Variants in RFX2 observed in about 807,000 individuals in gnomAD.
RFX2 encodes the protein regulatory factor X2.
A neutral mutation model predicts 87.8 loss-of-function variants in RFX2; 20 were observed. The ratio of observed to expected loss-of-function variants is 0.23; its 90% confidence interval spans 0.16 to 0.33. The LOEUF (loss-of-function observed/expected upper bound fraction) is 0.33. Ranked by LOEUF, RFX2 falls within the 10% of genes least tolerant of loss-of-function variation. The pLI is 1.00. For missense variants in RFX2, 767 were observed against 1,012.3 expected, an observed-to-expected ratio of 0.76 and a Z score of 3.29; for synonymous variants, 397 against 431.3, an observed-to-expected ratio of 0.92 and a Z score of 0.98.
chr19:6,091,745 G>A (rs894029059), intron 1 of RFX2, among the ~76,000 whole-genome samples: 7 of 152,198 alleles, frequency 4.6e-5, no homozygotes, highest in Non-Finnish European at 8.8e-5. Flanking sequence ...CTCGAGTGAT[G>A]GGAGAGAAGT....
intron 1 of RFX2, among the ~76,000 whole-genome samples, chr19:6,106,396 C>T (rs2088217618): frequency 6.6e-6 from 1 of 152,182 alleles, no homozygotes; most frequent in Non-Finnish European, 1.5e-5. Flanking sequence ...TTAAAAAATA[C>T]ATAAGCCCAC....
chr19:6,104,932 G>A (rs1445361198), intron 1 of RFX2, among the ~76,000 whole-genome samples: 1 of 151,890 alleles, frequency 6.6e-6, no homozygotes, highest in Non-Finnish European at 1.5e-5. Flanking sequence ...ATCTTGGCCA[G>A]CATGGTGAAA....
chr19:6,059,961 T>TG (rs143270181), intron 1 of RFX2, among the ~76,000 whole-genome samples: 15,276 of 152,170 alleles, frequency 0.1, 893 homozygotes, highest in African/African-American at 0.15. Context: ...TAAAAAGTGA[T>TG]GGGGGGGAGC....
Position 6,007,749 on chromosome 19 carries a change from C to G in RFX2, c.1188G>C (p.Trp396Cys). 1 of 1,556,516 alleles carries G rather than the reference C, an allele frequency of 6.4e-7. No individual in the cohort carries two copies. The highest frequency in any genetic ancestry group is 8.7e-7 in the Non-Finnish European group (1 of 1,149,108). ...AGGCCTTAGAGTTCCAGAAGGAGAG[C>G]CACAGCTTCTCGATGTAGTGGAACT... ...NLQFHYIEKL[W>C]LSFWNSKASS... The change falls in exon 11 of 18, where the codon TGG becomes TGC. Residue 396 changes from tryptophan (W) to cysteine (C), a missense_variant. By Grantham distance (215) the Trp-to-Cys change is radical. This residue lies in a region of RFX2 where 621 missense variants were observed against 873.0 expected (regional missense o/e 0.71). Coordinates refer to ENST00000303657, the MANE Select transcript of RFX2 (RefSeq NM_000635.4). The surrounding 1 kb of genome is among the most constrained non-coding windows in gnomAD (Gnocchi z 8.2).
intron 1 of RFX2, among the ~76,000 whole-genome samples, chr19:6,053,203 G>C (rs1406217503): frequency 1.3e-5 from 2 of 152,190 alleles, no homozygotes; most frequent in Non-Finnish European, 2.9e-5. Context: ...AGACATGGAA[G>C]AAATTTAAAC....
intron 16 of RFX2, among the ~76,000 whole-genome samples, chr19:5,996,004 C>T (rs2086401151): frequency 6.6e-6 from 1 of 152,260 alleles, no homozygotes; most frequent in Admixed American, 6.5e-5. Context: ...AGCAGGAAAA[C>T]CACTCCTTGG....
chr19:6,062,536 C>T (rs2087450418), intron 1 of RFX2, among the ~76,000 whole-genome samples: 1 of 152,222 alleles, frequency 6.6e-6, no homozygotes, highest in South Asian at 2.1e-4. Context: ...GCCACAGCTT[C>T]CCGACCTACG....
At chr19:6,034,774 C>T (rs563923143) in intron 5 of RFX2, among the ~76,000 whole-genome samples, 4 of 152,280 alleles carry the variant, frequency 2.6e-5, no homozygotes, top group South Asian at 4.1e-4. Flanking sequence ...TGGGCCTCTG[C>T]GAGCCACCTC....
In RFX2 at chr19:6,008,740, C is replaced by T. The variant is rs910567651; in HGVS notation, c.1016-516G>A. ...TCACCCAGGCTGGAGTGCAGTGGCA[C>T]GATCTTGGCTTACTGCAACCTCCTC... On this transcript the variant is annotated intron_variant, in intron 9 of 17. Coordinates refer to ENST00000303657, the MANE Select transcript of RFX2 (RefSeq NM_000635.4). Among the ~76,000 whole-genome samples, 5 of 145,824 alleles carry T rather than the reference C, an allele frequency of 3.4e-5. No individual in the cohort carries two copies. The South Asian group carries it at 1.1e-3, about 31-fold the overall frequency.
At position 6,013,002 on chromosome 19, in the gene RFX2, TG is replaced by T; in HGVS notation, c.882del (p.Met295CysfsTer44). The T allele has an allele frequency of 6.4e-7, 1 of 1,568,884 alleles. No individual in the cohort carries two copies. ...GGCACCCACCTGGGCTTCTGGTGCA[TG>T]GGCTGCTGCCGCATGGCCATGTACT... ...DTQYMAMRQQ[P>X]MHQKPRYRPA... On this transcript the variant is annotated frameshift_variant, in exon 8 of 18. Coordinates refer to ENST00000303657, the MANE Select transcript of RFX2 (RefSeq NM_000635.4). LOFTEE classifies it high-confidence loss of function. The surrounding 1 kb of genome is among the most constrained non-coding windows in gnomAD (Gnocchi z 4.1).
At position 6,083,376 on chromosome 19, in the gene RFX2, A is replaced by G. The variant is rs573949419; in HGVS notation, c.-9+27017T>C. The stretch of plus-strand genomic sequence containing the variant: ...TGACCCTGGTGCTGGTGCTGTTCCA[A>G]TAAATCTTTATTTATGGACACTGAA... On this transcript the variant is annotated intron_variant, in intron 1 of 17. Coordinates refer to ENST00000303657, the MANE Select transcript of RFX2 (RefSeq NM_000635.4). The surrounding 1 kb of genome is among the most constrained non-coding windows in gnomAD (Gnocchi z 4.6). Among the ~76,000 whole-genome samples, 1 of 152,284 alleles carries G rather than the reference A, an allele frequency of 6.6e-6. No individual in the cohort carries two copies. The highest frequency in any genetic ancestry group is 1.9e-4 in the East Asian group (1 of 5,192).
intron 3 of RFX2, among the ~76,000 whole-genome samples, chr19:6,042,737 A>G (rs1032844507): frequency 6.6e-6 from 1 of 152,200 alleles, no homozygotes; most frequent in Non-Finnish European, 1.5e-5. Context: ...GGGGGACCCC[A>G]GCACACCCCC....
intron 1 of RFX2, among the ~76,000 whole-genome samples, chr19:6,060,170 T>G (rs564277195): frequency 1.3e-5 from 2 of 152,122 alleles, no homozygotes; most frequent in South Asian, 2.1e-4. Flanking sequence ...ACCCCACAAC[T>G]CCTTCCCTGT....
Position 6,022,896 on chromosome 19 carries a change from C to T in RFX2, c.597+3267G>A, listed in dbSNP as rs796262990. 6.6e-5 allele frequency among the ~76,000 whole-genome samples: 10 copies of T among 152,332 alleles called. No individual in the cohort carries two copies. Among genetic ancestry groups the T allele is most frequent in the African/African-American group, 2.4e-4 (10 of 41,582 alleles). The stretch of plus-strand genomic sequence containing the variant: ...ATGCTGTCTCGTTTTACCAGGCTCC[C>T]AGCACCTGAATACACCTTCCCTCCT... On this transcript the variant is annotated intron_variant, in intron 6 of 17. Coordinates refer to ENST00000303657, the MANE Select transcript of RFX2 (RefSeq NM_000635.4). The surrounding 1 kb of genome is among the most constrained non-coding windows in gnomAD (Gnocchi z 6.2).
rs1479725587 is a variant in RFX2 at position 6,026,135 on chromosome 19, C to T, written c.597+28G>A. 6.3e-7 allele frequency: 1 copy of T among 1,583,618 alleles called. No individual in the cohort carries two copies. The highest frequency in any genetic ancestry group is 2.2e-5 in the East Asian group (1 of 44,730). Reference sequence around the variant, plus strand: ...ATGCAGGTTACAAGCAGAGCAGGGACAGGTTGCCAGGTCAGACGCACACTT... The same window carrying T: ...ATGCAGGTTACAAGCAGAGCAGGGATAGGTTGCCAGGTCAGACGCACACTT... On this transcript the variant is annotated intron_variant, in intron 6 of 17. Coordinates refer to ENST00000303657, the MANE Select transcript of RFX2 (RefSeq NM_000635.4). The surrounding 1 kb of genome is among the most constrained non-coding windows in gnomAD (Gnocchi z 4.5).
At chr19:6,059,200 G>A (rs949300190) in intron 1 of RFX2, among the ~76,000 whole-genome samples, 10 of 151,918 alleles carry the variant, frequency 6.6e-5, no homozygotes, top group Admixed American at 2.6e-4. Context: ...GAATGATCTC[G>A]AACTCCTGGA....
intron 6 of RFX2, among the ~76,000 whole-genome samples, chr19:6,019,266 C>T (rs1402216210): frequency 6.6e-6 from 1 of 152,150 alleles, no homozygotes; most frequent in African/African-American, 2.4e-5. Flanking sequence ...TCCTCACTTG[C>T]CTCTTTGGGA....
At chr19:6,107,786 T>C (rs527533267) in intron 1 of RFX2, among the ~76,000 whole-genome samples, 23 of 152,300 alleles carry the variant, frequency 1.5e-4, no homozygotes, top group African/African-American at 5.5e-4. Context: ...CCCCAGCACC[T>C]GCATTTCTGG....
intron 1 of RFX2, among the ~76,000 whole-genome samples, chr19:6,108,813 C>G (rs912557296): frequency 6.6e-6 from 1 of 152,184 alleles, no homozygotes; most frequent in African/African-American, 2.4e-5. Flanking sequence ...AGATGAACCG[C>G]GCCGGCAGCC....
Sources: gnomAD v4.1 joint callset for allele counts (sites outside exome capture counted in the v4.1 genomes callset) on GRCh38, gnomAD v4.1.1 for gene constraint, gnomAD v4.1.1 regional missense constraint, Gnocchi (gnomAD v3.1) non-coding constraint, MANE v1.5 for transcripts, NCBI Gene and HGNC (gene_info 2026-07-23, HGNC 2026-07-21) for gene names.